ANO5: variants seen among roughly 807,000 people sequenced by gnomAD.
ANO5 encodes the protein anoctamin-5.
In ANO5, 109 loss-of-function variants were observed where a neutral mutation model predicts 121.0. That is an observed-to-expected ratio of 0.90 (90% CI 0.77 to 1.06). The LOEUF (loss-of-function observed/expected upper bound fraction) is 1.06, where lower values mean the gene tolerates loss of function less well. Among genes scored for constraint, ANO5 ranks in the 50% least tolerant of loss-of-function variants. ANO5 has a pLI of 0.00. For synonymous variants in ANO5, 406 were observed against 359.9 expected (o/e 1.13, Z -1.45); for missense variants, 1,064 against 1,078.5 (o/e 0.99, Z 0.19).
intron 17 of ANO5, among the ~76,000 whole-genome samples, chr11:22,269,075 G>GGGAAGGAAGGAC: frequency 6.7e-6 from 1 of 149,386 alleles, no homozygotes; most frequent in South Asian, 2.1e-4. Context: ...GAAAGAAGGA[G>GGGAAGGAAGGAC]GGAAGGAAGG....
intron 6 of ANO5, 31 bp downstream of exon 6, chr11:22,226,083 C>T: frequency 6.5e-7 from 1 of 1,549,158 alleles, no homozygotes; most frequent in Non-Finnish European, 8.9e-7. Context: ...ATACAAGCCT[C>T]TTTAATTTAA....
chr11:22,247,380 T>C (rs1853661399), intron 9 of ANO5, among the ~76,000 whole-genome samples: 1 of 152,134 alleles, frequency 6.6e-6, no homozygotes, highest in South Asian at 2.1e-4. Flanking sequence ...AGAAACATCA[T>C]TTTATTGGAA....
chr11:22,235,010 A>G lies in ANO5; in HGVS notation c.649-1153A>G, dbSNP rs568347543. On this transcript the variant is annotated intron_variant, in intron 7 of 21. Transcript: ENST00000324559. Reference sequence around the variant, plus strand: ...GAAAGATAATCCCTGACACTTGCTTACTTCTCCCTATGAATGAAATCACTT... The same window carrying G: ...GAAAGATAATCCCTGACACTTGCTTGCTTCTCCCTATGAATGAAATCACTT... 2.9e-4 allele frequency among the ~76,000 whole-genome samples: 44 copies of G among 152,222 alleles called. 1 individual carries two copies. The South Asian group carries it at 8.9e-3, about 31-fold the overall frequency.
intron 3 of ANO5, among the ~76,000 whole-genome samples, chr11:22,213,891 T>TTTTTTTTTTGTTTTG (rs138205458): frequency 6.7e-6 from 1 of 148,380 alleles, no homozygotes; most frequent in Non-Finnish European, 1.5e-5. Context: ...GGTGTTTTGT[T>TTTTTTTTTTGTTTTG]TTTTGTTTTG....
At chr11:22,200,414 C>T (rs532512698) in intron 1 of ANO5, among the ~76,000 whole-genome samples, 29 of 152,248 alleles carry the variant, frequency 1.9e-4, no homozygotes, top group Non-Finnish European at 2.8e-4. Flanking sequence ...ATGAGGCAAC[C>T]ATGGTACTTT....
chr11:22,257,644 A>G (rs1411988720), intron 13 of ANO5, 36 bp from the exon 14 acceptor site: 1 of 1,540,300 alleles, frequency 6.5e-7, no homozygotes, highest in Non-Finnish European at 9.0e-7. Context: ...TAGAGGGGAG[A>G]TTTTGAATTT....
At chr11:22,278,030 C>CT (rs1221232524) in intron 21 of ANO5, 3 of 151,462 alleles carry the variant, frequency 2.0e-5, no homozygotes, top group African/African-American at 7.3e-5. Context: ...AGTTGTTTTT[C>CT]TTAAAAAAAT....
intron 17 of ANO5, among the ~76,000 whole-genome samples, chr11:22,264,148 T>A (rs1854285719): frequency 6.6e-6 from 1 of 151,034 alleles, no homozygotes; most frequent in Non-Finnish European, 1.5e-5. Context: ...TTCAGTCTCC[T>A]GAGCAGCTGG....
chr11:22,227,262 T>C (rs1252647774), intron 6 of ANO5, 40 bp from the exon 7 acceptor site: 8 of 1,608,328 alleles, frequency 5.0e-6, no homozygotes, highest in Non-Finnish European at 5.9e-6. Flanking sequence ...AACAAACTGA[T>C]CAGTAAGCTT....
chr11:22,271,169 CAGG>C (rs1446062486), intron 18 of ANO5, among the ~76,000 whole-genome samples: 1 of 152,160 alleles, frequency 6.6e-6, no homozygotes, highest in Non-Finnish European at 1.5e-5. Flanking sequence ...TCTCCTGCTT[CAGG>C]AGAATTGCCT....
At chr11:22,202,182 A>G (rs772822947) in intron 1 of ANO5, among the ~76,000 whole-genome samples, 4 of 143,052 alleles carry the variant, frequency 2.8e-5, no homozygotes, top group Non-Finnish European at 4.4e-5. Flanking sequence ...TAAAATTATA[A>G]ATAAAATAAA....
chr11:22,243,764 A>G (rs1309394362), intron 9 of ANO5, among the ~76,000 whole-genome samples: 2 of 152,180 alleles, frequency 1.3e-5, no homozygotes, highest in African/African-American at 2.4e-5. Context: ...TTATAATATC[A>G]TCATTGTCAT....
rs1853350355 is a variant in ANO5 at position 22,239,494 on chromosome 11, G to C, written c.763-75G>C. 3 of 1,007,656 alleles carry C rather than the reference G, an allele frequency of 3.0e-6. No homozygotes were observed. The African/African-American group carries it at 4.8e-5, about 16-fold the overall frequency. The allele number at this position is 1,007,656 out of a possible 1,614,324, so 62.4% of individuals were successfully genotyped here. A position where few individuals can be genotyped will look rare whatever the true frequency, so the allele number is the denominator to read the frequency against. ...ATACCCTTGTTTACTAACATTCTTA[G>C]AACAGCAGTGTTTATTTACTTCGTC... On this transcript the variant is annotated intron_variant, in intron 8 of 21. Transcript: ENST00000324559.
chr11:22,269,488 GAAAAAAGAAAAGGAAGGAAAGAAA>G (rs1854521907), intron 17 of ANO5, among the ~76,000 whole-genome samples: 2 of 12,162 alleles, frequency 1.6e-4, no homozygotes, highest in Non-Finnish European at 2.7e-4. Context: ...AGAAAGGAAA[GAAAAAAGAAAAGGAAGGAAAGAAA>G]AAAAGAAAAG....
intron 7 of ANO5, among the ~76,000 whole-genome samples, chr11:22,234,496 T>A (rs1440680440): frequency 6.6e-6 from 1 of 152,148 alleles, no homozygotes; most frequent in Non-Finnish European, 1.5e-5. Flanking sequence ...ACAGCGGCGC[T>A]TTTCAAACTG....
chr11:22,243,294 T>G (rs1263224105), intron 9 of ANO5, among the ~76,000 whole-genome samples: 1 of 152,094 alleles, frequency 6.6e-6, no homozygotes, highest in Non-Finnish European at 1.5e-5. Context: ...AACTTTTTGA[T>G]GTGCTCCTGG....
At position 22,276,343 on chromosome 11, in the gene ANO5, C is replaced by G. The variant is rs538568896; in HGVS notation, c.2520+144C>G. On this transcript the variant is annotated intron_variant, in intron 21 of 21. Transcript: ENST00000324559. ...TTGTATTTGTAGTCATAAAAAGCAC[C>G]TTAGGGATATTCTTAGTACAATGGA... The G allele has an allele frequency of 7.5e-5, 53 of 709,446 alleles. No homozygotes were observed. In the African/African-American group the frequency reaches 8.6e-4, roughly 12 times the overall value. The allele number at this position is 709,446 out of a possible 1,614,324, so 43.9% of individuals were successfully genotyped here. A position where few individuals can be genotyped will look rare whatever the true frequency, so the allele number is the denominator to read the frequency against.
chr11:22,263,070 T>C, intron 17 of ANO5, 27 bp downstream of exon 17: 1 of 1,537,562 alleles, frequency 6.5e-7, no homozygotes, highest in South Asian at 1.1e-5. Flanking sequence ...AGCTTTTTAT[T>C]TGATTTAAGT....
intron 21 of ANO5, among the ~76,000 whole-genome samples, chr11:22,278,926 G>A (rs558335743): frequency 6.6e-6 from 1 of 150,910 alleles, no homozygotes; most frequent in African/African-American, 2.4e-5. Context: ...ACTGTGTCTG[G>A]TGCCCCTGGA....
Sources: gnomAD v4.1 joint callset for allele counts (sites outside exome capture counted in the v4.1 genomes callset) on GRCh38, gnomAD v4.1.1 for gene constraint, MANE v1.5 for transcripts, NCBI Gene and HGNC (gene_info 2026-07-23, HGNC 2026-07-21) for gene names.